Variants in RYR2 observed in about 807,000 individuals in gnomAD.
The protein encoded by RYR2 is cardiac muscle ryanodine receptor-calcium release channel.
In RYR2, 227 loss-of-function variants were observed where a neutral mutation model predicts 601.1. The observed-to-expected ratio is 0.38, with a 90% CI of 0.34 to 0.42. RYR2 has a LOEUF of 0.42. Ranked by LOEUF, RYR2 falls within the 10% of genes least tolerant of loss-of-function variation. RYR2 has a pLI of 1.00. For missense variants in RYR2, 4,646 were observed against 6,156.5 expected (o/e 0.75, Z 8.21); for synonymous variants, 2,223 against 2,175.1 (o/e 1.02, Z -0.61).
chr1:237,314,602 A>G (rs1359838187), intron 2 of RYR2, among the ~76,000 whole-genome samples: 1 of 152,186 alleles, frequency 6.6e-6, no homozygotes, highest in Non-Finnish European at 1.5e-5. Context: ...GAGCTATTTA[A>G]GGTGGTTAGT....
chr1:237,198,426 A>G (rs1680803801), intron 1 of RYR2, among the ~76,000 whole-genome samples: 1 of 137,144 alleles, frequency 7.3e-6, no homozygotes, highest in Non-Finnish European at 1.5e-5. Context: ...ATGTTTGAAT[A>G]TAGTGTTTCC....
intron 1 of RYR2, among the ~76,000 whole-genome samples, chr1:237,085,781 C>G (rs927689795): frequency 7.9e-5 from 12 of 151,956 alleles, no homozygotes; most frequent in Admixed American, 2.0e-4. Flanking sequence ...AGGAGGTGTC[C>G]CTCTGTCACC....
At chr1:237,372,583 T>C (rs1572027034) in intron 6 of RYR2, among the ~76,000 whole-genome samples, 1 of 152,246 alleles carries the variant, frequency 6.6e-6, no homozygotes, top group South Asian at 2.1e-4. Context: ...AAAAACAATT[T>C]GTATAGAGCA....
chr1:237,635,442 G>T (rs549484548), intron 44 of RYR2, among the ~76,000 whole-genome samples: 32 of 152,150 alleles, frequency 2.1e-4, no homozygotes, highest in Admixed American at 1.0e-3. Flanking sequence ...CATCTCATAT[G>T]TACATTTTAT....
chr1:237,623,814 C>T lies in RYR2; in HGVS notation c.5966C>T (p.Pro1989Leu). The change falls in exon 39 of 105, where the codon CCA (proline) becomes CTA (leucine). Residue 1989 changes from proline to leucine, a missense_variant. Transcript: ENST00000366574. ...GATGACAAAAGTGAATGTCCATGTCCAGAAGAAATTCGTGACCAACTATTG... is the reference window on the plus strand; with the variant it reads ...GATGACAAAAGTGAATGTCCATGTCTAGAAGAAATTCGTGACCAACTATTG... ...FKDDKSECPC[P>L]EEIRDQLLDF... The T allele has an allele frequency of 6.2e-7, 1 of 1,613,334 alleles. No homozygotes were observed. The highest frequency in any genetic ancestry group is 8.5e-7 in the Non-Finnish European group (1 of 1,179,476).
chr1:237,326,985 T>C (rs927745603), intron 2 of RYR2, among the ~76,000 whole-genome samples: 32 of 152,206 alleles, frequency 2.1e-4, no homozygotes, highest in African/African-American at 7.7e-4. Context: ...TCAATGTTAT[T>C]TGAAGAAATA....
chr1:237,641,828 C>T (rs1681587152), intron 47 of RYR2, among the ~76,000 whole-genome samples: 1 of 152,242 alleles, frequency 6.6e-6, no homozygotes, highest in Non-Finnish European at 1.5e-5. Flanking sequence ...AGGCGTGAGC[C>T]AGCGTACCCA....
chr1:237,446,773 G>T (rs1418841172), intron 14 of RYR2, among the ~76,000 whole-genome samples: 2 of 152,080 alleles, frequency 1.3e-5, no homozygotes, highest in African/African-American at 4.8e-5. Flanking sequence ...ATGCAGTAAA[G>T]CTTAAATCGA....
At chr1:237,612,547 A>G (rs570612657) in intron 36 of RYR2, among the ~76,000 whole-genome samples, 68 of 152,234 alleles carry the variant, frequency 4.5e-4, no homozygotes, top group Non-Finnish European at 8.5e-4. Context: ...AGGTAATTAG[A>G]TATCTTTCAT....
chr1:237,347,151 G>A (rs890574699), intron 3 of RYR2, among the ~76,000 whole-genome samples: 1 of 151,940 alleles, frequency 6.6e-6, no homozygotes, highest in African/African-American at 2.4e-5. Context: ...AGAGACCCCT[G>A]TCTCTACAAA....
intron 2 of RYR2, among the ~76,000 whole-genome samples, chr1:237,307,168 C>CGT (rs1553392786): frequency 2.6e-5 from 4 of 151,820 alleles, no homozygotes; most frequent in Non-Finnish European, 4.4e-5. Flanking sequence ...TTTACATGCA[C>CGT]CTGGTGTATC....
rs1415117535 is a variant in RYR2 at position 237,461,742 on chromosome 1, AC to A, written c.1612+5008del. ...TTACAGTTGAGTAAAAAAAAAAAAA[AC>A]ATTTATATATTAGTGCAAATGAAGA... On this transcript the variant is annotated intron_variant, in intron 16 of 104. Transcript: ENST00000366574. Among the ~76,000 whole-genome samples the A allele has an allele frequency of 4.4e-3, 673 of 151,978 alleles. 1 individual carries two copies. The highest frequency in any genetic ancestry group is 0.015 in the African/African-American group (613 of 41,508).
At chr1:237,291,335 A>G (rs1408187044) in intron 2 of RYR2, among the ~76,000 whole-genome samples, 1 of 152,112 alleles carries the variant, frequency 6.6e-6, no homozygotes, top group Non-Finnish European at 1.5e-5. Flanking sequence ...TTCATTCTTG[A>G]TGGGAATGCA....
Position 237,301,238 on chromosome 1 carries a change from T to G in RYR2, c.169-29640T>G, listed in dbSNP as rs1337680359. 5.3e-5 allele frequency among the ~76,000 whole-genome samples: 8 copies of G among 152,192 alleles called. No individual in the cohort carries two copies. In the East Asian group the frequency reaches 1.5e-3, roughly 29 times the overall value. On this transcript the variant is annotated intron_variant, in intron 2 of 104. Transcript: ENST00000366574. Reference sequence around the variant, plus strand: ...ACTCTATGCTAATCTCTCTTTATGCTCATCCAAGATCATCCCTGATTGAAT... The same window carrying G: ...ACTCTATGCTAATCTCTCTTTATGCGCATCCAAGATCATCCCTGATTGAAT...
intron 63 of RYR2, among the ~76,000 whole-genome samples, chr1:237,692,596 C>A (rs12032093): frequency 0.44 from 67,200 of 151,876 alleles, 17,420 homozygotes; most frequent in East Asian, 0.64. Context: ...GCTTCCTTGG[C>A]CTTCTCTCTG....
rs1039137269 is a variant in RYR2 at position 237,106,822 on chromosome 1, G to C, written c.48+64253G>C. ...GCAATTTGGTGTCTGGTGAAGGCTCGCTTCCTGGTTCATAGGCGGCTGTCT... is the reference window on the plus strand; with the variant it reads ...GCAATTTGGTGTCTGGTGAAGGCTCCCTTCCTGGTTCATAGGCGGCTGTCT... On this transcript the variant is annotated intron_variant, in intron 1 of 104. Transcript: ENST00000366574. This position sits in a 1 kb window ranked among gnomAD's most constrained non-coding sequence, Gnocchi z 4.4. Among the ~76,000 whole-genome samples the C allele has an allele frequency of 6.6e-6, 1 of 152,170 alleles. No individual in the cohort carries two copies. Among genetic ancestry groups the C allele is most frequent in the South Asian group, 2.1e-4 (1 of 4,832 alleles).
In RYR2 at chr1:237,832,703, C is replaced by A. The variant is rs74703306; in HGVS notation, c.*56C>A. ...ACCCTACCCCTCTCTCTCCCTCTCT[C>A]AATTTCTCTGCTCTCTTGGAAACAT... On this transcript the variant is annotated 3_prime_UTR_variant, in exon 105 of 105. Coordinates refer to ENST00000366574, the MANE Select transcript of RYR2 (RefSeq NM_001035.3). 6,283 of 986,784 alleles carry A rather than the reference C, an allele frequency of 6.4e-3. 162 individuals carry two copies. The highest frequency in any genetic ancestry group is 0.057 in the African/African-American group (3,524 of 62,144). The allele number at this position is 986,784 out of a possible 1,614,324, so 61.1% of individuals were successfully genotyped here.
At chr1:237,468,341 A>G (rs1404094436) in intron 16 of RYR2, among the ~76,000 whole-genome samples, 1 of 152,230 alleles carries the variant, frequency 6.6e-6, no homozygotes, top group Non-Finnish European at 1.5e-5. Context: ...TTGAAAAATT[A>G]AAAGTTTAAA....
chr1:237,445,885 C>T (rs188576243), intron 14 of RYR2, among the ~76,000 whole-genome samples: 1 of 152,040 alleles, frequency 6.6e-6, no homozygotes, highest in African/African-American at 2.4e-5. Flanking sequence ...GGTGCAGTCT[C>T]GGCTCACTGC....
Sources: allele counts gnomAD v4.1 joint callset (sites outside exome capture counted in the v4.1 genomes callset), GRCh38; gene constraint gnomAD v4.1.1; non-coding constraint Gnocchi (gnomAD v3.1); transcripts MANE v1.5; gene names NCBI Gene and HGNC (gene_info 2026-07-23, HGNC 2026-07-21).